The following GNPNAT1 variants were observed in gnomAD, a reference collection of about 807,000 sequenced individuals.
The protein encoded by GNPNAT1 is glucosamine 6-phosphate N-acetyltransferase.
GNPNAT1 carries 11 observed loss-of-function variants against 19.8 expected under a neutral mutation model. The observed-to-expected ratio is 0.56, with a 90% CI of 0.35 to 0.92. The LOEUF (loss-of-function observed/expected upper bound fraction) is 0.92. GNPNAT1 is among the 40% of genes least tolerant of loss of function. The probability of loss-of-function intolerance (pLI) is 0.01; values close to 1 mark genes in which losing one functional copy is unlikely to be tolerated. For synonymous variants in GNPNAT1, 71 were observed against 72.3 expected (o/e 0.98, Z 0.09); for missense variants, 157 against 211.0 (o/e 0.74, Z 1.59).
chr14:52,787,948 T>G (rs1041706262), intron 1 of GNPNAT1: 4 of 152,080 alleles, frequency 2.6e-5, no homozygotes, highest in Non-Finnish European at 5.9e-5. Flanking sequence ...GAACGTAGTT[T>G]ATAATGTAGA....
Position 52,781,910 on chromosome 14 carries a change from T to G in GNPNAT1, c.219A>C (p.Lys73Asn). The G allele has an allele frequency of 1.9e-6, 3 of 1,602,606 alleles. No individual in the cohort carries two copies. The highest frequency in any genetic ancestry group is 2.3e-5 in the South Asian group (2 of 88,438). The change falls in exon 4 of 6, where the codon AAA becomes AAC. Residue 73 changes from lysine (K) to asparagine (N), a missense_variant and splice_region_variant. Coordinates refer to ENST00000216410, the MANE Select transcript of GNPNAT1 (RefSeq NM_198066.4). ...CAGATTTCTTCATATGCTCAAAAGA[T>G]TCTGTGGAAATTGGATAACAAAGTG... Reference protein sequence around the residue: ...TGVVSPEQFMKSFEHMKKSGD... With the variant: ...TGVVSPEQFMNSFEHMKKSGD...
chr14:52,780,532 T>G, intron 5 of GNPNAT1, 147 bp downstream of exon 5: 1 of 586,088 alleles, frequency 1.7e-6, no homozygotes, highest in Admixed American at 2.9e-5. Context: ...AATAATACTT[T>G]ATTTCTTCAT....
chr14:52,787,109 G>A (rs1035568779), intron 1 of GNPNAT1, among the ~76,000 whole-genome samples: 1 of 151,818 alleles, frequency 6.6e-6, no homozygotes, highest in Middle Eastern at 3.4e-3. Context: ...TTCAAATTTT[G>A]GAGTGTTTTG....
In GNPNAT1 at chr14:52,775,690, G is replaced by A. The variant is rs530595662; in HGVS notation, c.*2621C>T. The A allele has an allele frequency of 3.3e-5, 5 of 151,922 alleles. No homozygotes were observed. The South Asian group carries it at 1.0e-3, about 32-fold the overall frequency. The allele number at this position is 151,922 out of a possible 1,614,324, so 9.4% of individuals were successfully genotyped here. On this transcript the variant is annotated 3_prime_UTR_variant, in exon 6 of 6. Coordinates refer to ENST00000216410, the MANE Select transcript of GNPNAT1 (RefSeq NM_198066.4). ...GAGGATCACTTGAGCTCAGGAGTTT[G>A]AGACCGGCTTGGGCAATATAGTAAG...
Position 52,776,532 on chromosome 14 carries a change from T to G in GNPNAT1, c.*1779A>C, listed in dbSNP as rs1427156896. 1 of 152,130 alleles carries G rather than the reference T, an allele frequency of 6.6e-6. No homozygotes were observed. The highest frequency in any genetic ancestry group is 1.5e-5 in the Non-Finnish European group (1 of 68,038). The allele number at this position is 152,130 out of a possible 1,614,324, so 9.4% of individuals were successfully genotyped here. On this transcript the variant is annotated 3_prime_UTR_variant, in exon 6 of 6. Transcript: ENST00000216410. ...AGTGGTAAGAAAGGTAATAAAGCAT[T>G]TAGTTGTGCCTTTAAGTAGGCTAAT... is the stretch of plus-strand genomic sequence containing the variant.
At chr14:52,785,179 C>G (rs955957505) in intron 1 of GNPNAT1, among the ~76,000 whole-genome samples, 15 of 151,894 alleles carry the variant, frequency 9.9e-5, no homozygotes, top group Non-Finnish European at 1.8e-4. Context: ...CTGCCCGCCT[C>G]GGCCTCCCAA....
rs552233036 is a variant in GNPNAT1 at position 52,787,910 on chromosome 14, C to T, written c.-14-3246G>A. The T allele has an allele frequency of 1.6e-3, 244 of 151,890 alleles. 1 individual carries two copies. Among genetic ancestry groups the T allele is most frequent in the African/African-American group, 5.5e-3 (230 of 41,472 alleles). The allele number at this position is 151,890 out of a possible 1,614,324, so 9.4% of individuals were successfully genotyped here. ...GACAGGCTCTTACGTTTATGTTATA[C>T]CAAAAGTTAGCATTCTTGGGTAGAA... On this transcript the variant is annotated intron_variant, in intron 1 of 5. Coordinates refer to ENST00000216410, the MANE Select transcript of GNPNAT1 (RefSeq NM_198066.4).
At chr14:52,785,460 C>T (rs1882992016) in intron 1 of GNPNAT1, among the ~76,000 whole-genome samples, 1 of 151,780 alleles carries the variant, frequency 6.6e-6, no homozygotes, top group Non-Finnish European at 1.5e-5. Flanking sequence ...CGGTGGCTCA[C>T]ACCTGTAATA....
At position 52,776,027 on chromosome 14, in the gene GNPNAT1, C is replaced by G. The variant is rs536204499; in HGVS notation, c.*2284G>C. 1.2e-4 allele frequency: 19 copies of G among 152,256 alleles called. No individual in the cohort carries two copies. Among genetic ancestry groups the G allele is most frequent in the African/African-American group, 4.3e-4 (18 of 41,494 alleles). 9.4% of individuals were successfully genotyped at this position (152,256 alleles called of 1,614,324 possible). A position where few individuals can be genotyped will look rare whatever the true frequency, so the allele number is the denominator to read the frequency against. On this transcript the variant is annotated 3_prime_UTR_variant, in exon 6 of 6. Coordinates refer to ENST00000216410, the MANE Select transcript of GNPNAT1 (RefSeq NM_198066.4). ...CCACACAAAAAATTTTTTTAATTAGCTGGGTGTGGTGGCATGCACCTATAG... is the reference window on the plus strand; with the variant it reads ...CCACACAAAAAATTTTTTTAATTAGGTGGGTGTGGTGGCATGCACCTATAG...
intron 1 of GNPNAT1, among the ~76,000 whole-genome samples, chr14:52,786,596 G>A (rs903697812): frequency 2.6e-5 from 4 of 152,130 alleles, no homozygotes; most frequent in African/African-American, 9.6e-5. Flanking sequence ...CTATTGAAAA[G>A]TGATCATGAT....
chr14:52,780,503 T>C (rs1882868499), intron 5 of GNPNAT1, among the ~76,000 whole-genome samples, 176 bp downstream of exon 5: 1 of 152,214 alleles, frequency 6.6e-6, no homozygotes, highest in Non-Finnish European at 1.5e-5. Context: ...ATTTTCAAAC[T>C]TTAAGGCAAA....
rs750545054 is a variant in GNPNAT1, at chr14:52,778,471, AAG to A, written c.408-15_408-14del. The A allele has an allele frequency of 6.2e-7, 1 of 1,600,966 alleles. No individual in the cohort carries two copies. The highest frequency in any genetic ancestry group is 8.5e-7 in the Non-Finnish European group (1 of 1,174,344). ...GGTTGATAATAACCTGAAATTTAAA[AAG>A]GGGGTAGGGTGAGGAGATAGCATTT... On this transcript the variant is annotated splice_polypyrimidine_tract_variant and intron_variant, in intron 5 of 5. Transcript: ENST00000216410.
Position 52,786,114 on chromosome 14 carries a change from AAATT to A in GNPNAT1, c.-14-1454_-14-1451del, listed in dbSNP as rs758362644. On this transcript the variant is annotated intron_variant, in intron 1 of 5. Transcript: ENST00000216410. ...TAGAAGAAAATTGATGAACAGGCTC[AAATT>A]AATTTTTTTTTTTGGCATTCTCAGA... 6.0e-5 allele frequency among the ~76,000 whole-genome samples: 9 copies of A among 149,508 alleles called. 1 individual carries two copies. Among genetic ancestry groups the A allele is most frequent in the Non-Finnish European group, 1.2e-4 (8 of 67,578 alleles).
At chr14:52,789,190 C>G (rs1372372962) in intron 1 of GNPNAT1, among the ~76,000 whole-genome samples, 2 of 152,202 alleles carry the variant, frequency 1.3e-5, no homozygotes, top group African/African-American at 4.8e-5. Context: ...GTTTGATACC[C>G]TGCTGCCACT....
rs1295681213 is a variant in GNPNAT1, at chr14:52,777,412, A to G, written c.*899T>C. The G allele has an allele frequency of 6.6e-6, 1 of 152,266 alleles. No homozygotes were observed. Among genetic ancestry groups the G allele is most frequent in the Non-Finnish European group, 1.5e-5 (1 of 68,038 alleles). 9.4% of individuals were successfully genotyped at this position (152,266 alleles called of 1,614,324 possible). Reference sequence around the variant, plus strand: ...ATCACATCAAAAAGCTTCCATTAACATTTTATGAATTTGGCAATCTAGTAC... The same window carrying G: ...ATCACATCAAAAAGCTTCCATTAACGTTTTATGAATTTGGCAATCTAGTAC... On this transcript the variant is annotated 3_prime_UTR_variant, in exon 6 of 6. Coordinates refer to ENST00000216410, the MANE Select transcript of GNPNAT1 (RefSeq NM_198066.4).
At chr14:52,778,835 G>A (rs1047247781) in intron 5 of GNPNAT1, among the ~76,000 whole-genome samples, 1 of 151,920 alleles carries the variant, frequency 6.6e-6, no homozygotes, top group Non-Finnish European at 1.5e-5. Context: ...TGGGAAACAC[G>A]GCAAAACCCC....
chr14:52,790,798 C>T (rs536674930), intron 1 of GNPNAT1, among the ~76,000 whole-genome samples: 3 of 152,310 alleles, frequency 2.0e-5, no homozygotes, highest in Non-Finnish European at 4.4e-5. Flanking sequence ...TATAATCGCC[C>T]GTTCAATTTT....
At position 52,777,465 on chromosome 14, in the gene GNPNAT1, A is replaced by T. The variant is rs1256968824; in HGVS notation, c.*846T>A. On this transcript the variant is annotated 3_prime_UTR_variant, in exon 6 of 6. Coordinates refer to ENST00000216410, the MANE Select transcript of GNPNAT1 (RefSeq NM_198066.4). ...TACATTAAGTATTGTGTTTCACTCA[A>T]TTTTGTGATACTCCATTTTTGAAAA... 1 of 152,154 alleles carries T rather than the reference A, an allele frequency of 6.6e-6. No individual in the cohort carries two copies. The highest frequency in any genetic ancestry group is 1.5e-5 in the Non-Finnish European group (1 of 68,020). 9.4% of individuals were successfully genotyped at this position (152,154 alleles called of 1,614,324 possible). A position where few individuals can be genotyped will look rare whatever the true frequency, so the allele number is the denominator to read the frequency against.
At chr14:52,779,722 C>CT (rs1287338167) in intron 5 of GNPNAT1, among the ~76,000 whole-genome samples, 2 of 14,328 alleles carry the variant, frequency 1.4e-4, no homozygotes, top group African/African-American at 2.1e-4. Flanking sequence ...GATCCCATCT[C>CT]TTAAAAAAAA....
Sources: gnomAD v4.1 joint callset for allele counts (sites outside exome capture counted in the v4.1 genomes callset) on GRCh38, gnomAD v4.1.1 for gene constraint, MANE v1.5 for transcripts, NCBI Gene and HGNC (gene_info 2026-07-23, HGNC 2026-07-21) for gene names.